SPECC1L: variants seen among roughly 807,000 people sequenced by gnomAD.
SPECC1L encodes the protein sperm antigen with calponin homology and coiled-coil domains 1 like.
SPECC1L carries 40 observed loss-of-function variants against 116.8 expected under a neutral mutation model. The ratio of observed to expected loss-of-function variants is 0.34; its 90% CI spans 0.27 to 0.45. The LOEUF (loss-of-function observed/expected upper bound fraction) is 0.45. SPECC1L is among the 20% of genes least tolerant of loss of function. The pLI is 1.00. For synonymous variants in SPECC1L, 504 were observed against 500.6 expected (o/e 1.01, Z -0.09); for missense variants, 1,110 against 1,373.6 (o/e 0.81, Z 3.03).
At position 24,300,817 on chromosome 22, in the gene SPECC1L, C is replaced by T. The variant is rs8142234; in HGVS notation, c.-37-1378C>T. ...GAGACCTCAGAAATAACACCACACACCTACAACCAGCTGATCTTCGACAAA... is the reference window on the plus strand; with the variant it reads ...GAGACCTCAGAAATAACACCACACATCTACAACCAGCTGATCTTCGACAAA... On this transcript the variant is annotated intron_variant, in intron 2 of 16. Transcript: ENST00000314328. Among the ~76,000 whole-genome samples, 1,184 of 152,232 alleles carry T rather than the reference C, an allele frequency of 7.8e-3. 9 individuals are homozygous for T. Among genetic ancestry groups the T allele is most frequent in the South Asian group, 0.024 (116 of 4,812 alleles).
At chr22:24,354,436 CATGG>C in intron 11 of SPECC1L, among the ~76,000 whole-genome samples, 2 of 152,276 alleles carry the variant, frequency 1.3e-5, no homozygotes, top group South Asian at 4.1e-4. Flanking sequence ...AGTATAGACT[CATGG>C]ATATTTGTTC....
chr22:24,274,422 A>G (rs2048790636), intron 1 of SPECC1L, among the ~76,000 whole-genome samples: 1 of 152,230 alleles, frequency 6.6e-6, no homozygotes, highest in Admixed American at 6.5e-5. Context: ...CCTGCAGTGT[A>G]TCAAAAGGCA....
chr22:24,392,145 T>C (rs1462138170), intron 14 of SPECC1L, among the ~76,000 whole-genome samples: 6 of 152,234 alleles, frequency 3.9e-5, no homozygotes, highest in Non-Finnish European at 8.8e-5. Context: ...CTCTTTCCAC[T>C]GAGCTGTCCA....
At chr22:24,301,818 G>T (rs569575682) in intron 2 of SPECC1L, among the ~76,000 whole-genome samples, 47 of 152,180 alleles carry the variant, frequency 3.1e-4, no homozygotes, top group African/African-American at 1.1e-3. Flanking sequence ...AGGCTGAGGC[G>T]AGTGGATCAC....
chr22:24,302,378 G>A lies in SPECC1L; in HGVS notation c.147G>A (p.Leu49=). Residue 49 remains leucine (L), a synonymous_variant, in exon 3 of 17, where the codon TTG becomes TTA. Transcript: ENST00000314328. ...TAAAACCTGGAACAGCAGCATCATT[G>A]TCAAAGGTATTCATGTGATGTTTGA... ...KLVKPGTAAS[L]SKTKSSDDLL... is the part of the protein sequence containing the mutation. 1 of 1,614,106 alleles carries A rather than the reference G, an allele frequency of 6.2e-7. No homozygotes were observed. Among genetic ancestry groups the A allele is most frequent in the Non-Finnish European group, 8.5e-7 (1 of 1,180,010 alleles).
intron 2 of SPECC1L, among the ~76,000 whole-genome samples, chr22:24,285,930 G>A (rs180870737): frequency 1.9e-3 from 286 of 152,320 alleles, no homozygotes; most frequent in Non-Finnish European, 2.8e-3. Context: ...GTGAGCTACC[G>A]CGCCTGGCGC....
intron 10 of SPECC1L, among the ~76,000 whole-genome samples, chr22:24,344,610 A>G (rs992869389): frequency 3.4e-4 from 46 of 137,058 alleles, no homozygotes; most frequent in African/African-American, 1.6e-3. Flanking sequence ...AAAAAAAAAA[A>G]GAAAGAAAAG....
At chr22:24,340,322 AT>A (rs2146538206) in intron 10 of SPECC1L, among the ~76,000 whole-genome samples, 1 of 151,570 alleles carries the variant, frequency 6.6e-6, no homozygotes, top group African/African-American at 2.4e-5. Flanking sequence ...TAATTTTTGT[AT>A]TTTTAGTAGA....
At chr22:24,400,387 G>A (rs557451324) in intron 14 of SPECC1L, among the ~76,000 whole-genome samples, 21 of 152,294 alleles carry the variant, frequency 1.4e-4, no homozygotes, top group Admixed American at 2.6e-4. Flanking sequence ...ATATTGTGGC[G>A]TATATTCGTA....
At chr22:24,379,013 T>C (rs1175261110) in intron 14 of SPECC1L, among the ~76,000 whole-genome samples, 1 of 152,154 alleles carries the variant, frequency 6.6e-6, no homozygotes, top group Non-Finnish European at 1.5e-5. Flanking sequence ...CACAAGAAGA[T>C]GAAGTACCAT....
intron 14 of SPECC1L, among the ~76,000 whole-genome samples, chr22:24,393,904 T>C (rs964360607): frequency 2.0e-5 from 3 of 152,160 alleles, no homozygotes; most frequent in Non-Finnish European, 4.4e-5. Flanking sequence ...TTGTTTGTAT[T>C]TGTTATAGTT....
At chr22:24,413,183 C>T (rs1366032737) in intron 16 of SPECC1L, among the ~76,000 whole-genome samples, 2 of 152,218 alleles carry the variant, frequency 1.3e-5, no homozygotes, top group African/African-American at 2.4e-5. Flanking sequence ...GAGGCTCCTG[C>T]ACTTCCTCGT....
chr22:24,367,111 T>A (rs1364887846), intron 13 of SPECC1L, among the ~76,000 whole-genome samples: 1 of 152,218 alleles, frequency 6.6e-6, no homozygotes, highest in African/African-American at 2.4e-5. Context: ...CTAGAATCGC[T>A]TGAACCTGGG....
At chr22:24,326,040 G>A (rs2040814714) in intron 6 of SPECC1L, among the ~76,000 whole-genome samples, 1 of 151,970 alleles carries the variant, frequency 6.6e-6, no homozygotes, top group Admixed American at 6.6e-5. Flanking sequence ...TGCAACCTCT[G>A]CCCCCCGGGT....
intron 13 of SPECC1L, among the ~76,000 whole-genome samples, chr22:24,365,970 G>A (rs2041756299): frequency 1.3e-5 from 2 of 151,766 alleles, no homozygotes; most frequent in South Asian, 2.1e-4. Context: ...GTGGGGCCTC[G>A]AAGGTTGTAG....
Position 24,385,465 on chromosome 22 carries a change from C to T in SPECC1L, c.3087+16145C>T, listed in dbSNP as rs959124886. Among the ~76,000 whole-genome samples the T allele has an allele frequency of 7.2e-5, 11 of 152,040 alleles. 1 individual carries two copies. Among genetic ancestry groups the T allele is most frequent in the African/African-American group, 2.7e-4 (11 of 41,396 alleles). ...CAACCATGATTTGTGTATAAGAGAC[C>T]CACTTTAAATGGAAAGACTGAAAGT... On this transcript the variant is annotated intron_variant, in intron 14 of 16. Transcript: ENST00000314328.
Position 24,344,042 on chromosome 22 carries a change from G to T in SPECC1L, c.2653-3044G>T, listed in dbSNP as rs189399515. On this transcript the variant is annotated intron_variant, in intron 10 of 16. Transcript: ENST00000314328. ...TGAATTGAATCAATCCTTTGTGGAAGAAATAATTCCAATTGTATATAGTCT... is the reference window on the plus strand; with the variant it reads ...TGAATTGAATCAATCCTTTGTGGAATAAATAATTCCAATTGTATATAGTCT... 9.9e-5 allele frequency among the ~76,000 whole-genome samples: 15 copies of T among 152,248 alleles called. No individual in the cohort carries two copies. In the East Asian group the frequency reaches 2.9e-3, roughly 29 times the overall value.
At chr22:24,340,080 T>C (rs1358754604) in intron 10 of SPECC1L, among the ~76,000 whole-genome samples, 2 of 151,042 alleles carry the variant, frequency 1.3e-5, no homozygotes, top group Non-Finnish European at 2.9e-5. Flanking sequence ...CTACCACGCC[T>C]GACATTATGT....
intron 3 of SPECC1L, among the ~76,000 whole-genome samples, chr22:24,306,833 C>T (rs1359290497): frequency 6.6e-6 from 1 of 152,190 alleles, no homozygotes; most frequent in Non-Finnish European, 1.5e-5. Flanking sequence ...CAGCGCCTGA[C>T]AACCACCATT....
Sources: gnomAD v4.1 joint callset for allele counts (sites outside exome capture counted in the v4.1 genomes callset) on GRCh38, gnomAD v4.1.1 for gene constraint, MANE v1.5 for transcripts, NCBI Gene and HGNC (gene_info 2026-07-23, HGNC 2026-07-21) for gene names.